Variants in MEFV observed in about 807,000 individuals in gnomAD.
The protein encoded by MEFV is MEFV innate immunity regulator, pyrin, also known as pyrin.
A neutral mutation model predicts 62.5 loss-of-function variants in MEFV; 60 were observed. The observed-to-expected ratio is 0.96, with a 90% confidence interval of 0.78 to 1.19. MEFV has a LOEUF of 1.19. MEFV is among the 50% of genes most tolerant of loss of function. The pLI is 0.00. For missense variants in MEFV, 1,169 were observed against 1,004.5 expected (o/e 1.16, Z -2.21); for synonymous variants, 500 against 415.2 (o/e 1.20, Z -2.48).
rs779558690 is a variant in MEFV at position 3,248,941 on chromosome 16, A to T, written c.1324T>A (p.Ser442Thr). The change falls in exon 4 of 10, where the codon TCC becomes ACC. Residue 442 changes from serine to threonine, a missense_variant. By Grantham distance (58) the Ser-to-Thr change is moderately conservative. Coordinates refer to ENST00000219596, the MANE Select transcript of MEFV (RefSeq NM_000243.3). ...CTCACTGCCTTCTCCTCCCCATAGG[A>T]TCGCTGCTCCTCCCCTGATTTTCTC... is the stretch of plus-strand genomic sequence containing the variant. The part of the protein sequence containing the change: ...KLRKSGEEQR[S>T]YGEEKAVSFL... 16 of 1,614,004 alleles carry T rather than the reference A, an allele frequency of 9.9e-6. No individual in the cohort carries two copies. Among genetic ancestry groups the T allele is most frequent in the Admixed American group, 3.3e-5 (2 of 60,006 alleles).
At chr16:3,248,803 C>A (rs1195410591) in intron 4 of MEFV, 106 bp downstream of exon 4, 1 of 1,598,770 alleles carries the variant, frequency 6.3e-7, no homozygotes, top group Non-Finnish European at 8.5e-7. Context: ...GAGGAGGTGG[C>A]CATCCCTGCT....
chr16:3,247,012 C>G lies in MEFV; in HGVS notation c.1587+4G>C. On this transcript the variant is annotated splice_donor_region_variant and intron_variant, in intron 5 of 9. Transcript: ENST00000219596. ...CCAAGAAAGCCGGGCCCAGGCACAC[C>G]CACCTGCAGAAGTTCCCATTCTGAC... The G allele has an allele frequency of 6.2e-7, 1 of 1,614,102 alleles. No homozygotes were observed. Among genetic ancestry groups the G allele is most frequent in the Non-Finnish European group, 8.5e-7 (1 of 1,179,960 alleles).
At chr16:3,246,376 A>T in intron 6 of MEFV, 149 bp downstream of exon 6, 1 of 855,260 alleles carries the variant, frequency 1.2e-6, no homozygotes, top group African/African-American at 1.7e-5. Context: ...AAATCCAGAG[A>T]GGCTTTGGGA....
At position 3,243,713 on chromosome 16, in the gene MEFV, T is replaced by C. The variant is rs1958896562; in HGVS notation, c.1793-19A>G. 1 of 1,610,804 alleles carries C rather than the reference T, an allele frequency of 6.2e-7. No individual in the cohort carries two copies. The highest frequency in any genetic ancestry group is 8.5e-7 in the Non-Finnish European group (1 of 1,178,696). On this transcript the variant is annotated intron_variant, in intron 9 of 9. Transcript: ENST00000219596. ...ACATTAACTGCAAAGAAAATTTGAA[T>C]ACCTAGGTAGGGGTCCATGGGCAAC...
chr16:3,255,528 T>C (rs1348119442), intron 1 of MEFV, among the ~76,000 whole-genome samples: 5 of 151,964 alleles, frequency 3.3e-5, no homozygotes, highest in East Asian at 2.0e-4. Context: ...TTTCTGTTTT[T>C]TCAATAGCTG....
chr16:3,245,369 C>T (rs1246222634), intron 6 of MEFV, among the ~76,000 whole-genome samples: 2 of 151,690 alleles, frequency 1.3e-5, no homozygotes, highest in Non-Finnish European at 1.5e-5. Flanking sequence ...TGGCTGGGCA[C>T]GGTGGCTCAC....
At position 3,249,683 on chromosome 16, in the gene MEFV, C is replaced by G; in HGVS notation, c.1008G>C (p.Glu336Asp). 2.5e-6 allele frequency: 4 copies of G among 1,612,864 alleles called. No homozygotes were observed. Among genetic ancestry groups the G allele is most frequent in the Non-Finnish European group, 3.4e-6 (4 of 1,179,102 alleles). Residue 336 changes from glutamate to aspartate, a missense_variant, in exon 3 of 10, where the codon GAG becomes GAC. Transcript: ENST00000219596. ...AGGCCTGGGGGTGCCCAGAAACTGCCTCGGGGAAGCTGCAGGAATCACGCA... is the reference window on the plus strand; with the variant it reads ...AGGCCTGGGGGTGCCCAGAAACTGCGTCGGGGAAGCTGCAGGAATCACGCA... Reference protein sequence around the residue: ...TCVRDSCSFPEAVSGHPQASG... With the variant: ...TCVRDSCSFPDAVSGHPQASG...
Position 3,249,776 on chromosome 16 carries a change from C to T in MEFV, c.915G>A (p.Arg305=). The change falls in exon 3 of 10, where the codon AGG becomes AGA. Residue 305 remains arginine (R), a synonymous_variant. Coordinates refer to ENST00000219596, the MANE Select transcript of MEFV (RefSeq NM_000243.3). The stretch of plus-strand genomic sequence containing the variant: ...GGGGACTCGCAGCCGTGTCTGGTGG[C>T]CTTCCTGGGGACATGCAGTGGAAAA... ...PGNPEHSVTG[R]PPDTAASPRC... is the part of the protein sequence containing the mutation. 1 of 1,613,694 alleles carries T rather than the reference C, an allele frequency of 6.2e-7. No homozygotes were observed. The highest frequency in any genetic ancestry group is 2.2e-5 in the East Asian group (1 of 44,860).
Position 3,249,503 on chromosome 16 carries a change from G to A in MEFV, c.1188C>T (p.Leu396=), listed in dbSNP as rs748967789. The change falls in exon 3 of 10, where the codon CTC becomes CTT. Residue 396 remains leucine, a synonymous_variant. Transcript: ENST00000219596. Reference sequence around the variant, plus strand: ...GGTGCTCCTGACTCAGACTGCAGATGAGGCAGATGGGCTCATCGTGATCCT... The same window carrying A: ...GGTGCTCCTGACTCAGACTGCAGATAAGGCAGATGGGCTCATCGTGATCCT... ...FCEDHDEPIC[L]ICSLSQEHQG... is the part of the protein sequence containing the mutation. 10 of 1,614,108 alleles carry A rather than the reference G, an allele frequency of 6.2e-6. No homozygotes were observed. Among genetic ancestry groups the A allele is most frequent in the African/African-American group, 1.3e-5 (1 of 74,950 alleles).
rs1179528365 is a variant in MEFV at position 3,246,536 on chromosome 16, G to GTC, written c.1597_1598dup (p.Asp533GlufsTer22). The GTC allele has an allele frequency of 6.2e-7, 1 of 1,614,098 alleles. No individual in the cohort carries two copies. Reference sequence around the variant, plus strand: ...GGACCTCGCTGTACCTGTGCAAGATGTCTCCAATGTCCTAGGAGAAAAAAG... The same window carrying GTC: ...GGACCTCGCTGTACCTGTGCAAGATGTCTCTCCAATGTCCTAGGAGAAAAAAG... On this transcript the variant is annotated frameshift_variant, in exon 6 of 10. Transcript: ENST00000219596. LOFTEE classifies it high-confidence loss of function.
Position 3,252,342 on chromosome 16 carries a change from T to C in MEFV, c.910+1816A>G, listed in dbSNP as rs538666017. ...AGGCTAGAGTGCAGTGGCATGATCT[T>C]GGCTCACTGCAACCTCTGCCTCCTC... On this transcript the variant is annotated intron_variant, in intron 2 of 9. Transcript: ENST00000219596. 1.2e-3 allele frequency among the ~76,000 whole-genome samples: 183 copies of C among 151,552 alleles called. 1 individual carries two copies. Among genetic ancestry groups the C allele is most frequent in the African/African-American group, 4.3e-3 (178 of 41,286 alleles).
rs104895097 is a variant in MEFV, at chr16:3,243,205, C to T, written c.2282G>A (p.Arg761His). The change falls in exon 10 of 10, where the codon CGT (arginine) becomes CAT (histidine). Residue 761 changes from arginine to histidine, a missense_variant. Physicochemically the swap from Arg to His is conservative, Grantham distance 29. Coordinates refer to ENST00000219596, the MANE Select transcript of MEFV (RefSeq NM_000243.3). ...AGGAGCTGTGTTCTTCCCTCCATCA[C>T]GTGTCCCAGGGCTGAAGATAGGTTG... ...PLQPIFSPGT[R>H]DGGKNTAPLT... 151 of 1,614,000 alleles carry T rather than the reference C, an allele frequency of 9.4e-5. No homozygotes were observed. Among genetic ancestry groups the T allele is most frequent in the Middle Eastern group, 8.2e-4 (5 of 6,074 alleles).
chr16:3,248,870 C>G, intron 4 of MEFV, 39 bp downstream of exon 4: 1 of 1,612,874 alleles, frequency 6.2e-7, no homozygotes, highest in Non-Finnish European at 8.5e-7. Context: ...CCACCTTCCT[C>G]CCAGGGACGG....
intron 3 of MEFV, among the ~76,000 whole-genome samples, 173 bp from the exon 4 acceptor site, chr16:3,249,177 G>A (rs1056314680): frequency 1.3e-5 from 2 of 152,224 alleles, no homozygotes; most frequent in African/African-American, 4.8e-5. Flanking sequence ...ATTGCCAAAG[G>A]CAGCAGAGCT....
Position 3,246,438 on chromosome 16 carries a change from ATC to A in MEFV, c.1610+85_1610+86del, listed in dbSNP as rs1425033151. ...AATCACAGACCCCGGGGTTGGGAAC[ATC>A]TCCCTCCCAGGTCCCTTCTGGGACT... On this transcript the variant is annotated intron_variant, in intron 6 of 9. Transcript: ENST00000219596. The A allele has an allele frequency of 3.3e-6, 5 of 1,499,648 alleles. No homozygotes were observed. The Admixed American group carries it at 6.7e-5, about 20-fold the overall frequency. 92.9% of individuals were successfully genotyped at this position (1,499,648 alleles called of 1,614,324 possible).
chr16:3,244,151 T>G (rs774996417), intron 8 of MEFV, 103 bp downstream of exon 8: 84 of 1,540,840 alleles, frequency 5.5e-5, no homozygotes, highest in Non-Finnish European at 7.0e-5. Flanking sequence ...CTCCAGGTGT[T>G]TGGTTTTTTT....
intron 2 of MEFV, among the ~76,000 whole-genome samples, chr16:3,251,278 G>A (rs1204847701): frequency 6.6e-6 from 1 of 152,124 alleles, no homozygotes; most frequent in East Asian, 1.9e-4. Context: ...GTGGCTATTT[G>A]ACAATAATAT....
rs1195408253 is a variant in MEFV at position 3,254,643 on chromosome 16, A to G, written c.425T>C (p.Leu142Pro). ...CCCGGCCTCGGGCTGGCTGCACCGC[A>G]GGCTGGCAGCTCCGCCCCCGTACGG... ...PRPYGGGAAS[L>P]RCSQPEAGRG... The change falls in exon 2 of 10, where the codon CTG becomes CCG. Residue 142 changes from leucine to proline, a missense_variant. Transcript: ENST00000219596. The G allele has an allele frequency of 1.2e-6, 2 of 1,607,896 alleles. No homozygotes were observed.
rs199927442 is a variant in MEFV at position 3,243,262 on chromosome 16, G to C, written c.2225C>G (p.Thr742Arg). The C allele has an allele frequency of 4.3e-6, 7 of 1,614,208 alleles. No homozygotes were observed. The East Asian group carries it at 1.6e-4, about 36-fold the overall frequency. The change falls in exon 10 of 10, where the codon ACA (threonine) becomes AGA (arginine). Residue 742 changes from threonine to arginine, a missense_variant. Thr to Arg is a moderately conservative substitution (Grantham distance 71, BLOSUM62 -1). Coordinates refer to ENST00000219596, the MANE Select transcript of MEFV (RefSeq NM_000243.3). ...YNVTARSHIY[T>R]FASCSFSGPL... ...CCCAGAGAAAGAGCAGCTGGCGAAT[G>C]TATAGATGTGGGATCTGGCTGTCAC...
Sources: gnomAD v4.1 joint callset for allele counts (sites outside exome capture counted in the v4.1 genomes callset) on GRCh38, gnomAD v4.1.1 for gene constraint, MANE v1.5 for transcripts, NCBI Gene and HGNC (gene_info 2026-07-23, HGNC 2026-07-21) for gene names.